IQCH: variants seen among roughly 807,000 people sequenced by gnomAD.
The protein encoded by IQCH is IQ domain-containing protein H.
IQCH carries 98 observed loss-of-function variants against 117.0 expected under a neutral mutation model. The observed-to-expected ratio is 0.84, with a 90% confidence interval of 0.71 to 0.99. The LOEUF is 0.99. Ranked by LOEUF, IQCH falls within the 50% of genes least tolerant of loss-of-function variation. IQCH has a pLI of 0.00. For missense variants in IQCH, 1,102 were observed against 1,243.8 expected (o/e 0.89, Z 1.72); for synonymous variants, 412 against 448.2 (o/e 0.92, Z 1.02).
At chr15:67,331,526 C>T (rs1596197318) in intron 4 of IQCH, among the ~76,000 whole-genome samples, 1 of 152,018 alleles carries the variant, frequency 6.6e-6, no homozygotes, top group Admixed American at 6.6e-5. Context: ...ACTTTAAGTA[C>T]AGTAAATGCA....
rs145784300 is a variant in IQCH at position 67,426,560 on chromosome 15, C to CAA, written c.2505+4991_2505+4992dup. Among the ~76,000 whole-genome samples, 2 of 145,820 alleles carry CAA rather than the reference C, an allele frequency of 1.4e-5. No homozygotes were observed. The highest frequency in any genetic ancestry group is 3.0e-5 in the Non-Finnish European group (2 of 66,246). On this transcript the variant is annotated intron_variant, in intron 16 of 20. Transcript: ENST00000335894. This position sits in a 1 kb window ranked among gnomAD's most constrained non-coding sequence, Gnocchi z 5.1. Reference sequence around the variant, plus strand: ...ACTATTACATATCAATAAAAAATACCAAAAAAAAACCCAACCTCATACTCA... The same window carrying CAA: ...ACTATTACATATCAATAAAAAATACCAAAAAAAAAAACCCAACCTCATACTCA...
intron 16 of IQCH, among the ~76,000 whole-genome samples, chr15:67,423,372 C>T (rs932006141): frequency 1.3e-5 from 2 of 151,974 alleles, no homozygotes; most frequent in Non-Finnish European, 2.9e-5. Context: ...TCAGGACCAG[C>T]CTGGGCAACA....
At position 67,465,438 on chromosome 15, in the gene IQCH, G is replaced by A; in HGVS notation, c.2676+141G>A. 1 of 830,120 alleles carries A rather than the reference G, an allele frequency of 1.2e-6. No individual in the cohort carries two copies. The highest frequency in any genetic ancestry group is 1.8e-6 in the Non-Finnish European group (1 of 542,958). The allele number at this position is 830,120 out of a possible 1,614,324, so 51.4% of individuals were successfully genotyped here. ...CAAGTCATTGGACTTGTCTGAGCAG[G>A]GTCTGGAAATGCGAATGTGTTGGTC... On this transcript the variant is annotated intron_variant, in intron 17 of 20. Coordinates refer to ENST00000335894, the MANE Select transcript of IQCH (RefSeq NM_001031715.3). The surrounding 1 kb of genome is among the most constrained non-coding windows in gnomAD (Gnocchi z 5.9).
At chr15:67,311,683 A>G (rs1967603245) in intron 4 of IQCH, among the ~76,000 whole-genome samples, 1 of 151,716 alleles carries the variant, frequency 6.6e-6, no homozygotes, top group Non-Finnish European at 1.5e-5. Context: ...ATATGTTTTG[A>G]CATACACAAT....
chr15:67,411,705 T>G lies in IQCH; in HGVS notation c.2098-5226T>G, dbSNP rs1355954672. On this transcript the variant is annotated intron_variant, in intron 14 of 20. Coordinates refer to ENST00000335894, the MANE Select transcript of IQCH (RefSeq NM_001031715.3). The surrounding 1 kb of genome is among the most constrained non-coding windows in gnomAD (Gnocchi z 4.4). ...TTTACTTGGTTGGGGAAGCTAACTCTGTAGAGTTTGAAGTAGCTTTAGTCA... is the reference window on the plus strand; with the variant it reads ...TTTACTTGGTTGGGGAAGCTAACTCGGTAGAGTTTGAAGTAGCTTTAGTCA... 6.6e-6 allele frequency among the ~76,000 whole-genome samples: 1 copy of G among 152,194 alleles called. No individual in the cohort carries two copies. Among genetic ancestry groups the G allele is most frequent in the African/African-American group, 2.4e-5 (1 of 41,450 alleles).
In IQCH at chr15:67,454,829, A is replaced by G. The variant is rs1377433151; in HGVS notation, c.2506-10298A>G. Among the ~76,000 whole-genome samples the G allele has an allele frequency of 6.6e-6, 1 of 152,186 alleles. No individual in the cohort carries two copies. The highest frequency in any genetic ancestry group is 6.5e-5 in the Admixed American group (1 of 15,282). ...GTGAATGGGTATTTGGGTTGTGTCC[A>G]CTTTTTGACTGTTATGAATAATGTT... On this transcript the variant is annotated intron_variant, in intron 16 of 20. Transcript: ENST00000335894. The surrounding 1 kb of genome is among the most constrained non-coding windows in gnomAD (Gnocchi z 5.2).
At chr15:67,334,086 A>G (rs1279963537) in intron 4 of IQCH, among the ~76,000 whole-genome samples, 1 of 152,158 alleles carries the variant, frequency 6.6e-6, no homozygotes, top group Non-Finnish European at 1.5e-5. Context: ...ATTATAGAAG[A>G]TTTAGCATCA....
intron 3 of IQCH, 63 bp downstream of exon 3, chr15:67,263,279 A>G: frequency 1.5e-5 from 12 of 814,946 alleles, no homozygotes; most frequent in Non-Finnish European, 2.5e-5. Flanking sequence ...TTTCTCACTC[A>G]AGTGAGATGA....
At chr15:67,429,085 G>A (rs1032846988) in intron 16 of IQCH, among the ~76,000 whole-genome samples, 1 of 152,144 alleles carries the variant, frequency 6.6e-6, no homozygotes, top group Non-Finnish European at 1.5e-5. Flanking sequence ...TAAGACTTCT[G>A]ACCCACAGAG....
rs199831734 is a variant in IQCH, at chr15:67,292,680, TTAAAA to T, written c.387+13179_387+13183del. Among the ~76,000 whole-genome samples, 110 of 152,318 alleles carry T rather than the reference TTAAAA, an allele frequency of 7.2e-4. No individual in the cohort carries two copies. The East Asian group carries it at 0.02, about 27-fold the overall frequency. Reference sequence around the variant, plus strand: ...CTTCATCTATTTTTATTGAAGTGTTTTAAAATAAAATAAAAACCTAATGACATTTC... The same window carrying T: ...CTTCATCTATTTTTATTGAAGTGTTTTAAAATAAAAACCTAATGACATTTC... On this transcript the variant is annotated intron_variant, in intron 4 of 20. Coordinates refer to ENST00000335894, the MANE Select transcript of IQCH (RefSeq NM_001031715.3).
intron 16 of IQCH, among the ~76,000 whole-genome samples, chr15:67,464,495 C>T (rs1487982508): frequency 6.6e-6 from 1 of 152,130 alleles, no homozygotes; most frequent in African/African-American, 2.4e-5. Context: ...TCTAATAACA[C>T]TGTGATACAG....
intron 5 of IQCH, among the ~76,000 whole-genome samples, chr15:67,337,702 C>G (rs992816187): frequency 3.3e-5 from 5 of 152,106 alleles, no homozygotes; most frequent in Non-Finnish European, 7.4e-5. Flanking sequence ...ACTGAATGTC[C>G]TAAGTGTAAC....
In IQCH at chr15:67,443,760, C is replaced by T. The variant is rs2082333292; in HGVS notation, c.2506-21367C>T. Among the ~76,000 whole-genome samples the T allele has an allele frequency of 6.6e-6, 1 of 152,218 alleles. No homozygotes were observed. Among genetic ancestry groups the T allele is most frequent in the Admixed American group, 6.5e-5 (1 of 15,286 alleles). On this transcript the variant is annotated intron_variant, in intron 16 of 20. Transcript: ENST00000335894. This position sits in a 1 kb window ranked among gnomAD's most constrained non-coding sequence, Gnocchi z 5.0. ...TTCATCCTCTAGCCCTAGCTCAGAT[C>T]TGAAGTATAGCACTGATGGCCAGAG...
intron 4 of IQCH, among the ~76,000 whole-genome samples, chr15:67,331,081 T>G (rs1968645654): frequency 6.6e-6 from 1 of 152,176 alleles, no homozygotes; most frequent in African/African-American, 2.4e-5. Context: ...TGGACAGAGC[T>G]ACCCAAGTAT....
In IQCH at chr15:67,391,757, T is replaced by C. The variant is rs939554186; in HGVS notation, c.1632+2751T>C. On this transcript the variant is annotated intron_variant, in intron 12 of 20. Transcript: ENST00000335894. The surrounding 1 kb of genome is among the most constrained non-coding windows in gnomAD (Gnocchi z 4.3). The stretch of plus-strand genomic sequence containing the variant: ...GTGATACATCCTTTGCCATCACTTA[T>C]TCACATTTAAATCTTTATTAAACAC... Among the ~76,000 whole-genome samples, 1 of 152,248 alleles carries C rather than the reference T, an allele frequency of 6.6e-6. No homozygotes were observed. The highest frequency in any genetic ancestry group is 6.5e-5 in the Admixed American group (1 of 15,286).
chr15:67,437,695 A>G lies in IQCH; in HGVS notation c.2505+16118A>G, dbSNP rs573056117. Among the ~76,000 whole-genome samples the G allele has an allele frequency of 1.4e-4, 21 of 152,332 alleles. 1 individual carries two copies. In the East Asian group the frequency reaches 3.7e-3, roughly 27 times the overall value. On this transcript the variant is annotated intron_variant, in intron 16 of 20. Transcript: ENST00000335894. ...ATACATATTCAAGGAAATAGCTTAAAGAAAAAACAATCAAGAATACAGGAA... is the reference window on the plus strand; with the variant it reads ...ATACATATTCAAGGAAATAGCTTAAGGAAAAAACAATCAAGAATACAGGAA...
rs113069699 is a variant in IQCH at position 67,371,427 on chromosome 15, G to A, written c.754-684G>A. ...AAATGCTCCCTTGGTTTTGTTATCA[G>A]ATTTGTGATCCTAATCCACCTGGGA... On this transcript the variant is annotated intron_variant, in intron 8 of 20. Transcript: ENST00000335894. 1.3e-4 allele frequency: 186 copies of A among 1,409,164 alleles called. 1 individual carries two copies. In the African/African-American group the frequency reaches 2.3e-3, roughly 18 times the overall value. The allele number at this position is 1,409,164 out of a possible 1,614,324, so 87.3% of individuals were successfully genotyped here. A position where few individuals can be genotyped will look rare whatever the true frequency, so the allele number is the denominator to read the frequency against.
At chr15:67,361,529 AAT>A (rs1432615470) in intron 8 of IQCH, among the ~76,000 whole-genome samples, 3 of 152,246 alleles carry the variant, frequency 2.0e-5, no homozygotes, top group Non-Finnish European at 4.4e-5. Context: ...GCATTTCTAA[AAT>A]ATATTACACT....
chr15:67,355,935 C>A (rs1404376069), intron 6 of IQCH, among the ~76,000 whole-genome samples: 2 of 152,154 alleles, frequency 1.3e-5, no homozygotes, highest in Non-Finnish European at 2.9e-5. Flanking sequence ...AATTGTATTA[C>A]AATTTTACTA....
Sources: allele counts gnomAD v4.1 joint callset (sites outside exome capture counted in the v4.1 genomes callset), GRCh38; gene constraint gnomAD v4.1.1; non-coding constraint Gnocchi (gnomAD v3.1); transcripts MANE v1.5; gene names NCBI Gene and HGNC (gene_info 2026-07-23, HGNC 2026-07-21).